The following FOXP2 variants were observed in gnomAD, a reference collection of about 807,000 sequenced individuals.
FOXP2 encodes forkhead box P2.
In FOXP2, 12 loss-of-function variants were observed where a neutral mutation model predicts 115.8. The ratio of observed to expected loss-of-function variants is 0.10; its 90% confidence interval spans 0.07 to 0.17. The LOEUF (loss-of-function observed/expected upper bound fraction) is 0.17. FOXP2 is among the 10% of genes least tolerant of loss of function. FOXP2 has a pLI of 1.00. For synonymous variants in FOXP2, 328 were observed against 297.7 expected (o/e 1.10, Z -1.05); for missense variants, 629 against 843.5 (o/e 0.75, Z 3.15).
intron 1 of FOXP2, among the ~76,000 whole-genome samples, chr7:114,251,152 C>G (rs1423541953): frequency 1.3e-5 from 2 of 152,090 alleles, no homozygotes; most frequent in Admixed American, 6.6e-5. Flanking sequence ...TTCCATTGGT[C>G]TATCTCTCTG....
chr7:114,521,194 A>G (rs1798605968), intron 2 of FOXP2, among the ~76,000 whole-genome samples: 2 of 152,206 alleles, frequency 1.3e-5, no homozygotes, highest in Admixed American at 1.3e-4. Flanking sequence ...AAATATTTAA[A>G]AGATTTTAAT....
chr7:114,554,389 T>C lies in FOXP2; in HGVS notation c.258+19683T>C, dbSNP rs147984339. Among the ~76,000 whole-genome samples the C allele has an allele frequency of 4.0e-3, 608 of 152,280 alleles. 3 individuals are homozygous for C. Among genetic ancestry groups the C allele is most frequent in the African/African-American group, 0.011 (478 of 41,578 alleles). On this transcript the variant is annotated intron_variant, in intron 3 of 16. Transcript: ENST00000350908. ...TTTAAAGAGTAGACTGTACTTCTAT[T>C]TTAAATGTAAATTAGCTTTATTCTT...
chr7:114,273,900 C>G (rs1251849546), intron 1 of FOXP2, among the ~76,000 whole-genome samples: 1 of 152,078 alleles, frequency 6.6e-6, no homozygotes, highest in Non-Finnish European at 1.5e-5. Flanking sequence ...TTAACAATCT[C>G]TGTCTTAGTT....
At chr7:114,411,705 A>G (rs1012189816), upstream of FOXP2, among the ~76,000 whole-genome samples, 2 of 152,092 alleles carry the variant, frequency 1.3e-5, no homozygotes, top group African/African-American at 4.8e-5. Flanking sequence ...CAAGATTGGT[A>G]TTTAATCAGT....
chr7:114,413,249 T>A (rs1180853665), upstream of FOXP2, among the ~76,000 whole-genome samples: 1 of 152,246 alleles, frequency 6.6e-6, no homozygotes. Context: ...GGAAGCCCTG[T>A]AAACTGTGAA....
At chr7:114,103,726 A>G (rs1184045483) in intron 1 of FOXP2, among the ~76,000 whole-genome samples, 1 of 152,052 alleles carries the variant, frequency 6.6e-6, no homozygotes, top group Non-Finnish European at 1.5e-5. Context: ...TAGAGGTAAC[A>G]TTTGTTTCCT....
intron 2 of FOXP2, among the ~76,000 whole-genome samples, chr7:114,513,037 G>A (rs745667320): frequency 2.0e-5 from 3 of 152,124 alleles, no homozygotes; most frequent in East Asian, 3.9e-4. Context: ...AGCTGAGATC[G>A]CTCACCACTG....
chr7:114,245,989 A>G (rs1054157855), intron 1 of FOXP2, among the ~76,000 whole-genome samples: 3 of 152,166 alleles, frequency 2.0e-5, no homozygotes, highest in South Asian at 2.1e-4. Context: ...GTTCTCTGAC[A>G]TTAGAAGGTG....
intron 2 of FOXP2, among the ~76,000 whole-genome samples, chr7:114,399,665 T>G (rs1341317853): frequency 1.3e-5 from 2 of 152,074 alleles, no homozygotes; most frequent in African/African-American, 4.8e-5. Context: ...TTCCTGACTC[T>G]TGGGGTTTAT....
In FOXP2 at chr7:114,690,240, G is replaced by A. The variant is rs182146096; in HGVS notation, c.*314G>A. 1 of 473,086 alleles carries A rather than the reference G, an allele frequency of 2.1e-6. No homozygotes were observed. Among genetic ancestry groups the A allele is most frequent in the African/African-American group, 2.0e-5 (1 of 50,640 alleles). 29.3% of individuals were successfully genotyped at this position (473,086 alleles called of 1,614,324 possible). On this transcript the variant is annotated 3_prime_UTR_variant, in exon 17 of 17. Transcript: ENST00000350908. ...CCATTTAAAAAATGTGGCTCTTAAG[G>A]GTTCATGAAATGACTGAATATGAGG... is the stretch of plus-strand genomic sequence containing the variant.
intron 2 of FOXP2, among the ~76,000 whole-genome samples, chr7:114,354,072 T>A (rs1791558420): frequency 6.6e-6 from 1 of 152,148 alleles, no homozygotes; most frequent in Non-Finnish European, 1.5e-5. Context: ...ACCAATCATG[T>A]TGGGCATCAG....
intron 2 of FOXP2, among the ~76,000 whole-genome samples, chr7:114,404,302 A>T (rs1052943024): frequency 6.6e-6 from 1 of 152,198 alleles, no homozygotes; most frequent in African/African-American, 2.4e-5. Flanking sequence ...ATATGCTTTA[A>T]TTAGTGAAAA....
rs189722553 is a variant in FOXP2, at chr7:114,540,689, G to T, written c.258+5983G>T. On this transcript the variant is annotated intron_variant, in intron 3 of 16. Transcript: ENST00000350908. ...GGTCAGGGAAGACTTTGTAGAGAAG[G>T]TAGCATGTATGTTGGGCTTAAAGAA... Among the ~76,000 whole-genome samples the T allele has an allele frequency of 1.2e-3, 185 of 152,138 alleles. 1 individual carries two copies. The highest frequency in any genetic ancestry group is 4.0e-3 in the African/African-American group (168 of 41,532).
chr7:114,293,528 A>G (rs1796662088), intron 2 of FOXP2, among the ~76,000 whole-genome samples: 1 of 152,210 alleles, frequency 6.6e-6, no homozygotes. Context: ...GAGATATGAT[A>G]TAATTTGGCT....
intron 1 of FOXP2, among the ~76,000 whole-genome samples, chr7:114,165,786 A>G (rs1299079370): frequency 6.6e-6 from 1 of 152,228 alleles, no homozygotes; most frequent in Non-Finnish European, 1.5e-5. Context: ...TTATTTGGAA[A>G]GGAAGAGGCC....
chr7:114,528,868 A>G (rs1799004450), intron 2 of FOXP2, among the ~76,000 whole-genome samples: 1 of 151,986 alleles, frequency 6.6e-6, no homozygotes. Context: ...AGAAAGATAA[A>G]TAATCAAAAG....
chr7:114,599,686 G>A (rs760697629), intron 3 of FOXP2, among the ~76,000 whole-genome samples: 3 of 151,962 alleles, frequency 2.0e-5, no homozygotes, highest in Admixed American at 6.6e-5. Flanking sequence ...TCCATCTTGC[G>A]TGTATCTGTA....
chr7:114,389,413 G>A (rs895284529), intron 2 of FOXP2, among the ~76,000 whole-genome samples: 10 of 152,236 alleles, frequency 6.6e-5, no homozygotes, highest in African/African-American at 2.2e-4. Flanking sequence ...GTTATTGACA[G>A]ACTATTGGTT....
At chr7:114,575,024 A>G (rs998215661) in intron 3 of FOXP2, among the ~76,000 whole-genome samples, 1 of 151,820 alleles carries the variant, frequency 6.6e-6, no homozygotes, top group Non-Finnish European at 1.5e-5. Flanking sequence ...GAAAACAGGG[A>G]TAGTGATGCT....
Sources: allele counts gnomAD v4.1 joint callset (sites outside exome capture counted in the v4.1 genomes callset), GRCh38; gene constraint gnomAD v4.1.1; transcripts MANE v1.5; gene names NCBI Gene and HGNC (gene_info 2026-07-23, HGNC 2026-07-21).